Variants in CES5A observed in about 807,000 individuals in gnomAD.
CES5A encodes the protein carboxylesterase 5A.
Under a neutral mutation model 62.9 loss-of-function variants are expected in CES5A, and 67 were observed. The ratio of observed to expected loss-of-function variants is 1.07; its 90% CI spans 0.88 to 1.31. The LOEUF (loss-of-function observed/expected upper bound fraction) is 1.31. Ranked by LOEUF, CES5A falls within the 50% of genes most tolerant of loss-of-function variation. The pLI is 0.00. For synonymous variants in CES5A, 296 were observed against 280.8 expected (o/e 1.05, Z -0.54); for missense variants, 748 against 708.5 (o/e 1.06, Z -0.63).
At chr16:55,945,073 T>C (rs1033160469) in intron 2 of CES5A, among the ~76,000 whole-genome samples, 2 of 152,240 alleles carry the variant, frequency 1.3e-5, no homozygotes, top group Non-Finnish European at 2.9e-5. Context: ...ATAGGCTTGT[T>C]TTATTGTTAA....
At chr16:55,902,276 A>G (rs2033997578) in intron 1 of CES5A, among the ~76,000 whole-genome samples, 1 of 152,042 alleles carries the variant, frequency 6.6e-6, no homozygotes, top group Admixed American at 6.6e-5. Flanking sequence ...GGTAGCAGAA[A>G]TTTTCTTATG....
chr16:55,848,444 A>G (rs527246367), intron 11 of CES5A, among the ~76,000 whole-genome samples: 1 of 152,190 alleles, frequency 6.6e-6, no homozygotes. Flanking sequence ...ATGTTGATAG[A>G]CTTCTCTATT....
At chr16:55,941,537 T>C (rs1437119733) in intron 2 of CES5A, among the ~76,000 whole-genome samples, 2 of 152,082 alleles carry the variant, frequency 1.3e-5, no homozygotes, top group Admixed American at 1.3e-4. Context: ...ATGTCAGTTC[T>C]TCCCAAAATG....
intron 5 of CES5A, among the ~76,000 whole-genome samples, chr16:55,865,501 T>C (rs1418980344): frequency 1.3e-5 from 2 of 152,148 alleles, no homozygotes; most frequent in Non-Finnish European, 2.9e-5. Flanking sequence ...TGCAAGACAA[T>C]CCATGTTGGA....
At chr16:55,858,367 G>A (rs2033284818) in intron 8 of CES5A, among the ~76,000 whole-genome samples, 1 of 152,180 alleles carries the variant, frequency 6.6e-6, no homozygotes, top group Non-Finnish European at 1.5e-5. Context: ...GTTGTTGCTT[G>A]GACAGCCTGT....
intron 1 of CES5A, among the ~76,000 whole-genome samples, chr16:55,903,129 GA>G (rs57306486): frequency 0.2 from 28,756 of 146,482 alleles, 2,815 homozygotes; most frequent in South Asian, 0.24. Context: ...GGGATGCAGA[GA>G]AAAAAAAAAA....
At chr16:55,897,518 A>G (rs774269338) in intron 1 of CES5A, among the ~76,000 whole-genome samples, 10 of 152,294 alleles carry the variant, frequency 6.6e-5, no homozygotes, top group East Asian at 3.9e-4. Flanking sequence ...GATCAGTCCT[A>G]TGGAAGCCAG....
chr16:55,881,587 G>A (rs2033762551), intron 1 of CES5A, among the ~76,000 whole-genome samples: 1 of 152,194 alleles, frequency 6.6e-6, no homozygotes, highest in Non-Finnish European at 1.5e-5. Context: ...ATGCAATGGA[G>A]ATGTTAGAAT....
intron 6 of CES5A, among the ~76,000 whole-genome samples, chr16:55,862,498 T>TG (rs1469834298): frequency 6.6e-6 from 1 of 152,194 alleles, no homozygotes; most frequent in Non-Finnish European, 1.5e-5. Context: ...GGGAAAATAG[T>TG]GGGCACTCAG....
At chr16:55,851,491 G>A (rs1326880592) in intron 10 of CES5A, among the ~76,000 whole-genome samples, 2 of 152,104 alleles carry the variant, frequency 1.3e-5, no homozygotes, top group African/African-American at 4.8e-5. Flanking sequence ...AACAACAGAA[G>A]AAAATAACAA....
Position 55,863,531 on chromosome 16 carries a change from C to T in CES5A, c.706-79G>A, listed in dbSNP as rs2033396998. ...ACCATTCATCCCTCTTCAAAGAAACCTTCCCAGGAAGCCTCCTTAAAAGCT... is the reference window on the plus strand; with the variant it reads ...ACCATTCATCCCTCTTCAAAGAAACTTTCCCAGGAAGCCTCCTTAAAAGCT... On this transcript the variant is annotated intron_variant, in intron 5 of 12. Transcript: ENST00000290567. The T allele has an allele frequency of 4.9e-6, 4 of 808,432 alleles. No individual in the cohort carries two copies. In the East Asian group the frequency reaches 7.3e-5, roughly 15 times the overall value. The allele number at this position is 808,432 out of a possible 1,614,324, so 50.1% of individuals were successfully genotyped here. A position where few individuals can be genotyped will look rare whatever the true frequency, so the allele number is the denominator to read the frequency against.
chr16:55,925,810 T>G (rs2034252656), upstream of CES5A, among the ~76,000 whole-genome samples: 1 of 152,066 alleles, frequency 6.6e-6, no homozygotes, highest in African/African-American at 2.4e-5. Context: ...CTAAAAAGCT[T>G]CTGCACAGCA....
intron 2 of CES5A, among the ~76,000 whole-genome samples, chr16:55,941,443 A>G (rs2034445225): frequency 6.6e-6 from 1 of 152,098 alleles, no homozygotes; most frequent in East Asian, 1.9e-4. Flanking sequence ...ACTATAAGAA[A>G]TGCTTATGAA....
At chr16:55,896,178 G>A (rs1175801339) in intron 1 of CES5A, among the ~76,000 whole-genome samples, 1 of 152,186 alleles carries the variant, frequency 6.6e-6, no homozygotes, top group African/African-American at 2.4e-5. Flanking sequence ...AAGAGAGAGA[G>A]CATGTGCAGG....
chr16:55,955,896 C>T (rs1394463609), exon 1 of CES5A: 1 of 1,536,082 alleles, frequency 6.5e-7, no homozygotes, highest in Non-Finnish European at 8.7e-7. Flanking sequence ...CAGACTTGCC[C>T]TTGGTCCTAA....
At chr16:55,869,778 C>T in intron 3 of CES5A, 34 bp from the exon 4 acceptor site, 1 of 1,571,620 alleles carries the variant, frequency 6.4e-7, no homozygotes, top group East Asian at 2.3e-5. Flanking sequence ...AGTCAGCCCA[C>T]CAGGCACCAC....
chr16:55,906,664 G>A (rs1438167919), intron 1 of CES5A, among the ~76,000 whole-genome samples: 2 of 152,238 alleles, frequency 1.3e-5, no homozygotes, highest in African/African-American at 4.8e-5. Context: ...ATTGGAGTGT[G>A]CTGGGGAGTC....
upstream of CES5A, among the ~76,000 whole-genome samples, chr16:55,877,442 G>A (rs1054852655): frequency 3.0e-5 from 4 of 134,318 alleles, no homozygotes; most frequent in Admixed American, 2.3e-4. Context: ...ATGTGTGTGT[G>A]TATATATATG....
chr16:55,898,909 A>C (rs557807373), intron 1 of CES5A, among the ~76,000 whole-genome samples: 6 of 152,014 alleles, frequency 3.9e-5, no homozygotes, highest in African/African-American at 1.4e-4. Context: ...GACTCTCTCA[A>C]CCACCTCATA....
Sources: gnomAD v4.1 joint callset for allele counts (sites outside exome capture counted in the v4.1 genomes callset) on GRCh38, gnomAD v4.1.1 for gene constraint, MANE v1.5 for transcripts, NCBI Gene and HGNC (gene_info 2026-07-23, HGNC 2026-07-21) for gene names.